The following FHIT variants were observed in gnomAD, a reference collection of about 807,000 sequenced individuals.
FHIT encodes the protein fragile histidine triad diadenosine triphosphatase, also known as bis(5'-adenosyl)-triphosphatase.
FHIT carries 19 observed loss-of-function variants against 17.9 expected under a neutral mutation model. That is an observed-to-expected ratio of 1.06 (90% CI 0.74 to 1.56). FHIT has a LOEUF of 1.56. Ranked by LOEUF, FHIT falls within the 40% of genes most tolerant of loss-of-function variation. The probability of loss-of-function intolerance (pLI) is 0.00; values close to 1 mark genes in which losing one functional copy is unlikely to be tolerated. For synonymous variants in FHIT, 81 were observed against 69.7 expected (o/e 1.16, Z -0.81); for missense variants, 248 against 189.2 (o/e 1.31, Z -1.82).
chr3:60,925,105 G>C (rs1381824615), intron 3 of FHIT, among the ~76,000 whole-genome samples: 1 of 152,178 alleles, frequency 6.6e-6, no homozygotes, highest in Non-Finnish European at 1.5e-5. Context: ...AAAGTGACAG[G>C]GAGAATGGAA....
intron 5 of FHIT, among the ~76,000 whole-genome samples, chr3:60,040,485 A>G (rs973355827): frequency 6.6e-6 from 1 of 151,924 alleles, no homozygotes; most frequent in African/African-American, 2.4e-5. Flanking sequence ...ACCATAACTC[A>G]GTGATAATTA....
At chr3:59,943,294 A>G (rs985761222) in intron 7 of FHIT, among the ~76,000 whole-genome samples, 2 of 151,938 alleles carry the variant, frequency 1.3e-5, no homozygotes, top group African/African-American at 4.8e-5. Context: ...TTTTTTTTTT[A>G]AACCTGGGCT....
chr3:61,011,166 G>A (rs999007427), intron 3 of FHIT, among the ~76,000 whole-genome samples: 2 of 152,062 alleles, frequency 1.3e-5, no homozygotes, highest in Non-Finnish European at 2.9e-5. Flanking sequence ...TTCTTGTGTA[G>A]CTTAGAGAAT....
chr3:61,112,357 C>T (rs2036184842), intron 2 of FHIT, among the ~76,000 whole-genome samples: 1 of 151,652 alleles, frequency 6.6e-6, no homozygotes, highest in African/African-American at 2.4e-5. Flanking sequence ...GACAGGCGGC[C>T]CCAGTTTCAA....
rs1206361373 is a variant in FHIT at position 60,034,444 on chromosome 3, T to C, written c.104-20292A>G. On this transcript the variant is annotated intron_variant, in intron 5 of 9. Coordinates refer to ENST00000492590, the MANE Select transcript of FHIT (RefSeq NM_002012.4). ...CAAGAAGATGATATGATCAAGAAAA[T>C]GCTACATTTAAACTACTCCATTTAC... 2.0e-5 allele frequency among the ~76,000 whole-genome samples: 3 copies of C among 152,166 alleles called. No homozygotes were observed. The South Asian group carries it at 6.2e-4, about 32-fold the overall frequency.
intron 2 of FHIT, among the ~76,000 whole-genome samples, chr3:61,157,683 T>C (rs1314059129): frequency 6.6e-6 from 1 of 152,202 alleles, no homozygotes; most frequent in Non-Finnish European, 1.5e-5. Flanking sequence ...GTTTATGCCT[T>C]GTTCTGAGTA....
At chr3:60,199,473 T>C (rs1385101860) in intron 5 of FHIT, among the ~76,000 whole-genome samples, 1 of 152,150 alleles carries the variant, frequency 6.6e-6, no homozygotes, top group Non-Finnish European at 1.5e-5. Context: ...GCTCACTTCA[T>C]TGTCATTTAA....
intron 5 of FHIT, among the ~76,000 whole-genome samples, chr3:60,533,106 T>C (rs1403409440): frequency 6.6e-6 from 1 of 151,870 alleles, no homozygotes; most frequent in Non-Finnish European, 1.5e-5. Flanking sequence ...TGCCATCAAT[T>C]CATTCACTGC....
At chr3:60,431,231 A>G (rs775089623) in intron 5 of FHIT, among the ~76,000 whole-genome samples, 1 of 147,770 alleles carries the variant, frequency 6.8e-6, no homozygotes, top group Non-Finnish European at 1.5e-5. Context: ...AAAAAAAAAG[A>G]ATGACCATTA....
intron 5 of FHIT, among the ~76,000 whole-genome samples, chr3:60,290,247 C>T (rs1299737219): frequency 1.3e-5 from 2 of 152,144 alleles, no homozygotes; most frequent in African/African-American, 4.8e-5. Flanking sequence ...TGCTTGACAG[C>T]TTCTAAAATG....
At chr3:60,456,102 A>T (rs551441929) in intron 5 of FHIT, among the ~76,000 whole-genome samples, 4 of 152,218 alleles carry the variant, frequency 2.6e-5, no homozygotes, top group African/African-American at 9.6e-5. Flanking sequence ...GCTCCACCAC[A>T]TGCAATTAAT....
chr3:60,208,989 T>C lies in FHIT; in HGVS notation c.104-194837A>G, dbSNP rs563471321. Reference sequence around the variant, plus strand: ...CTGGTTTTGCCTTTAAGGACATTTATAGTCTACTTGCTTTCTGTCCACTTC... The same window carrying C: ...CTGGTTTTGCCTTTAAGGACATTTACAGTCTACTTGCTTTCTGTCCACTTC... On this transcript the variant is annotated intron_variant, in intron 5 of 9. Coordinates refer to ENST00000492590, the MANE Select transcript of FHIT (RefSeq NM_002012.4). Among the ~76,000 whole-genome samples, 3 of 152,316 alleles carry C rather than the reference T, an allele frequency of 2.0e-5. No homozygotes were observed. The South Asian group carries it at 6.2e-4, about 32-fold the overall frequency.
chr3:61,036,026 A>C (rs557370464), intron 3 of FHIT, among the ~76,000 whole-genome samples: 69 of 152,330 alleles, frequency 4.5e-4, no homozygotes, highest in Middle Eastern at 3.4e-3. Flanking sequence ...TTACATTGCT[A>C]TGAAGAACTA....
chr3:60,947,762 C>A (rs1708702037), intron 3 of FHIT, among the ~76,000 whole-genome samples: 1 of 152,148 alleles, frequency 6.6e-6, no homozygotes, highest in Non-Finnish European at 1.5e-5. Flanking sequence ...GTGAACAATG[C>A]CAGTCTGGGA....
chr3:60,058,093 G>A (rs1341812427), intron 5 of FHIT, among the ~76,000 whole-genome samples: 1 of 151,506 alleles, frequency 6.6e-6, no homozygotes, highest in Non-Finnish European at 1.5e-5. Context: ...AGTAGTCCGG[G>A]GAATAGGGAG....
At chr3:60,829,906 C>A (rs1195748238) in intron 3 of FHIT, among the ~76,000 whole-genome samples, 2 of 145,332 alleles carry the variant, frequency 1.4e-5, no homozygotes, top group Non-Finnish European at 3.1e-5. Context: ...GATTTTACAT[C>A]TATAAAGGAA....
intron 5 of FHIT, among the ~76,000 whole-genome samples, chr3:60,403,479 C>T (rs1252225054): frequency 6.6e-6 from 1 of 152,196 alleles, no homozygotes; most frequent in Non-Finnish European, 1.5e-5. Flanking sequence ...CAGCCCTCCT[C>T]TCTCTAGCCT....
At chr3:60,770,685 T>C (rs1700016161) in intron 4 of FHIT, among the ~76,000 whole-genome samples, 1 of 152,196 alleles carries the variant, frequency 6.6e-6, no homozygotes, top group African/African-American at 2.4e-5. Context: ...TGGTGACAAT[T>C]GCCTCATAAG....
intron 4 of FHIT, among the ~76,000 whole-genome samples, chr3:60,620,937 T>C (rs967746301): frequency 8.5e-5 from 13 of 152,158 alleles, no homozygotes; most frequent in African/African-American, 2.2e-4. Context: ...TCAATTTTTC[T>C]GTAAACCTAA....
Sources: allele counts gnomAD v4.1 joint callset (sites outside exome capture counted in the v4.1 genomes callset), GRCh38; gene constraint gnomAD v4.1.1; transcripts MANE v1.5; gene names NCBI Gene and HGNC (gene_info 2026-07-23, HGNC 2026-07-21).